Variants in RUFY4 observed in about 807,000 individuals in gnomAD.
RUFY4 encodes the protein RUN and FYVE domain-containing protein 4.
A neutral mutation model predicts 69.0 loss-of-function variants in RUFY4; 73 were observed. That is an observed-to-expected ratio of 1.06 (90% CI 0.88 to 1.29). The LOEUF is 1.29. RUFY4 is among the 50% of genes most tolerant of loss of function. The pLI is 0.00. For synonymous variants in RUFY4, 287 were observed against 271.8 expected (o/e 1.06, Z -0.55); for missense variants, 770 against 705.6 (o/e 1.09, Z -1.03).
At chr2:218,066,855 C>T (rs1689345225), upstream of RUFY4, among the ~76,000 whole-genome samples, 1 of 152,236 alleles carries the variant, frequency 6.6e-6, no homozygotes, top group South Asian at 2.1e-4. Context: ...CAAAATGTGA[C>T]AGATTTTCCG....
At chr2:218,038,829 G>A (rs1453399652) in intron 2 of RUFY4, among the ~76,000 whole-genome samples, 1 of 152,126 alleles carries the variant, frequency 6.6e-6, no homozygotes, top group African/African-American at 2.4e-5. Context: ...GCAGTCACAA[G>A]CAAAAGGAAA....
intron 9 of RUFY4, among the ~76,000 whole-genome samples, chr2:218,084,124 TAGAAAGAG>T (rs2106071637): frequency 6.6e-6 from 1 of 152,190 alleles, no homozygotes; most frequent in South Asian, 2.1e-4. Flanking sequence ...TTTAGTTGAG[TAGAAAGAG>T]AGTTCACATA....
chr2:218,088,908 A>C (rs1160859917), intron 9 of RUFY4, among the ~76,000 whole-genome samples: 1 of 98,954 alleles, frequency 1.0e-5, no homozygotes, highest in Admixed American at 9.6e-5. Context: ...TCTCTATGTC[A>C]CTCTCTGTCT....
intron 2 of RUFY4, among the ~76,000 whole-genome samples, chr2:218,057,510 A>G (rs990812987): frequency 2.0e-5 from 3 of 152,144 alleles, no homozygotes; most frequent in Non-Finnish European, 4.4e-5. Context: ...TACCTCATTA[A>G]TTTTTTAAGG....
At chr2:218,060,490 G>A (rs955905663) in intron 3 of RUFY4, 4 of 1,319,904 alleles carry the variant, frequency 3.0e-6, no homozygotes, top group South Asian at 1.2e-5. Context: ...GTAGATGAGG[G>A]GATTGAGGTA....
At chr2:218,047,629 TA>T (rs1267564347) in intron 2 of RUFY4, among the ~76,000 whole-genome samples, 3 of 152,170 alleles carry the variant, frequency 2.0e-5, no homozygotes, top group African/African-American at 7.2e-5. Context: ...ATGTATTAAT[TA>T]AAATTCTTTA....
chr2:218,074,654 T>C (rs1411799075), intron 6 of RUFY4, among the ~76,000 whole-genome samples: 4 of 152,228 alleles, frequency 2.6e-5, no homozygotes, highest in African/African-American at 7.2e-5. Flanking sequence ...CTTGAGAGGT[T>C]GCTCTTAGCT....
chr2:218,037,743 T>C (rs74536579), intron 2 of RUFY4, among the ~76,000 whole-genome samples: 3,065 of 152,310 alleles, frequency 0.02, 123 homozygotes, highest in African/African-American at 0.071. Flanking sequence ...ATACTGTCAA[T>C]ATATCCTGTT....
At chr2:218,040,284 G>A (rs1159477685) in intron 2 of RUFY4, among the ~76,000 whole-genome samples, 2 of 152,162 alleles carry the variant, frequency 1.3e-5, no homozygotes, top group Non-Finnish European at 2.9e-5. Flanking sequence ...TTCTCCAGAT[G>A]TAGACATGGT....
intron 9 of RUFY4, among the ~76,000 whole-genome samples, chr2:218,088,764 T>C (rs1689952707): frequency 6.6e-6 from 1 of 152,158 alleles, no homozygotes; most frequent in Non-Finnish European, 1.5e-5. Context: ...TCTCCGTCTT[T>C]CTCTGGCCCC....
chr2:218,039,722 GC>G (rs1246085657), intron 2 of RUFY4, among the ~76,000 whole-genome samples: 1 of 152,210 alleles, frequency 6.6e-6, no homozygotes, highest in Non-Finnish European at 1.5e-5. Flanking sequence ...TTCATGGACT[GC>G]CCCAGCTCTA....
upstream of RUFY4, chr2:218,070,258 C>T (rs1428771810): frequency 2.9e-6 from 1 of 341,014 alleles, no homozygotes; most frequent in South Asian, 2.7e-5. Flanking sequence ...GGATAAAAGA[C>T]TTACCCTCTC....
At chr2:218,047,300 C>T (rs1011659635) in intron 2 of RUFY4, among the ~76,000 whole-genome samples, 10 of 152,018 alleles carry the variant, frequency 6.6e-5, no homozygotes, top group African/African-American at 1.2e-4. Flanking sequence ...AGTACATCAC[C>T]GAGTTTTTTT....
chr2:218,065,185 C>T (rs1349793172), upstream of RUFY4, among the ~76,000 whole-genome samples: 1 of 152,162 alleles, frequency 6.6e-6, no homozygotes, highest in African/African-American at 2.4e-5. Context: ...GTCCTTTATC[C>T]AAAATTAGTC....
At chr2:218,055,855 C>G (rs888319960) in intron 2 of RUFY4, among the ~76,000 whole-genome samples, 2 of 152,304 alleles carry the variant, frequency 1.3e-5, no homozygotes, top group East Asian at 3.9e-4. Flanking sequence ...TTCCCAAGAC[C>G]GTCAAAATAC....
chr2:218,060,657 A>C (rs773721645), intron 3 of RUFY4: 4 of 1,343,128 alleles, frequency 3.0e-6, no homozygotes, highest in African/African-American at 2.9e-5. Context: ...TGAGGACAAC[A>C]GCAAAGATGA....
At chr2:218,089,427 A>C in intron 10 of RUFY4, 65 bp downstream of exon 12, 4 of 1,398,202 alleles carry the variant, frequency 2.9e-6, no homozygotes, top group Admixed American at 2.0e-5. Flanking sequence ...GACAGCCCCC[A>C]CCCACCCCAG....
upstream of RUFY4, chr2:218,070,478 A>T: frequency 1.2e-6 from 1 of 804,274 alleles, no homozygotes; most frequent in Non-Finnish European, 2.1e-6. Flanking sequence ...GTCACCCAAG[A>T]TTAGTCACTT....
intron 8 of RUFY4, among the ~76,000 whole-genome samples, chr2:218,079,341 C>G (rs1044273502): frequency 4.6e-5 from 7 of 152,064 alleles, no homozygotes; most frequent in Non-Finnish European, 1.5e-5. Flanking sequence ...GTAGAACTTC[C>G]TGAGGAATTG....
Sources: gnomAD v4.1 joint callset for allele counts (sites outside exome capture counted in the v4.1 genomes callset) on GRCh38, gnomAD v4.1.1 for gene constraint, MANE v1.5 for transcripts, NCBI Gene and HGNC (gene_info 2026-07-23, HGNC 2026-07-21) for gene names.